Variants in ANK2 observed in about 807,000 individuals in gnomAD.
ANK2 encodes the protein ankyrin 2.
ANK2 carries 83 observed loss-of-function variants against 360.5 expected under a neutral mutation model. The observed-to-expected ratio is 0.23, with a 90% CI of 0.19 to 0.28. ANK2 has a LOEUF of 0.28. Ranked by LOEUF, ANK2 falls within the 10% of genes least tolerant of loss-of-function variation. The pLI is 1.00. For synonymous variants in ANK2, 1,740 were observed against 1,759.5 expected, an observed-to-expected ratio of 0.99 and a Z score of 0.28; for missense variants, 4,201 against 4,795.7, an observed-to-expected ratio of 0.88 and a Z score of 3.66.
chr4:112,805,445 G>A, the ANK2 span, among the ~76,000 whole-genome samples: 4 of 152,084 alleles, frequency 2.6e-5, no homozygotes, highest in Non-Finnish European at 4.4e-5. Flanking sequence ...TTTTGTGCTC[G>A]CTATGCACCA....
intron 1 of ANK2, among the ~76,000 whole-genome samples, chr4:113,128,857 A>G (rs2095834358): frequency 6.6e-6 from 1 of 152,210 alleles, no homozygotes; most frequent in Admixed American, 6.5e-5. Flanking sequence ...GTATACAGAC[A>G]TGTATTTCCT....
chr4:112,759,785 GT>G, the ANK2 span, among the ~76,000 whole-genome samples: 1 of 152,080 alleles, frequency 6.6e-6, no homozygotes. Flanking sequence ...ACTTTTCAAA[GT>G]GCTTCTACGT....
chr4:112,852,609 G>A (rs974668975), intron 1 of ANK2, among the ~76,000 whole-genome samples: 2 of 152,154 alleles, frequency 1.3e-5, no homozygotes, highest in African/African-American at 4.8e-5. Flanking sequence ...GGGAAGATAC[G>A]AGTCTTAAAA....
intron 2 of ANK2, among the ~76,000 whole-genome samples, chr4:112,928,107 C>T (rs1220085284): frequency 2.0e-5 from 3 of 152,170 alleles, no homozygotes; most frequent in African/African-American, 7.2e-5. Flanking sequence ...GTAAAATCAT[C>T]TGTGATAACC....
chr4:112,833,754 C>T (rs1008535497), intron 1 of ANK2, among the ~76,000 whole-genome samples: 2 of 152,174 alleles, frequency 1.3e-5, no homozygotes, highest in African/African-American at 2.4e-5. Context: ...CCGCCCGCCT[C>T]GGCCTTCCAA....
the ANK2 span, among the ~76,000 whole-genome samples, chr4:112,740,807 C>G: frequency 1.3e-5 from 2 of 151,932 alleles, no homozygotes; most frequent in Admixed American, 6.6e-5. Flanking sequence ...CTGGCCAACA[C>G]GGTGAAACCC....
In ANK2 at chr4:113,297,114, A is replaced by G. The variant is rs561711013; in HGVS notation, c.2475+3576A>G. ...GGGATAGAGGAGTTGTCTAATGGGT[A>G]CAAAAATACAGTCAGATAGAAGGAG... is the stretch of plus-strand genomic sequence containing the variant. On this transcript the variant is annotated intron_variant, in intron 22 of 45. Coordinates refer to ENST00000357077, the MANE Select transcript of ANK2 (RefSeq NM_001148.6). Among the ~76,000 whole-genome samples the G allele has an allele frequency of 3.3e-5, 5 of 152,276 alleles. No homozygotes were observed. In the South Asian group the frequency reaches 1.0e-3, roughly 32 times the overall value.
chr4:112,916,661 TC>T (rs1469100549), intron 2 of ANK2, among the ~76,000 whole-genome samples: 1 of 152,008 alleles, frequency 6.6e-6, no homozygotes, highest in Non-Finnish European at 1.5e-5. Context: ...CTTTAATATC[TC>T]CCATTCCTAG....
intron 2 of ANK2, among the ~76,000 whole-genome samples, chr4:112,910,074 A>C (rs886469197): frequency 2.6e-4 from 39 of 152,356 alleles, no homozygotes; most frequent in African/African-American, 8.7e-4. Flanking sequence ...AGTTTCTACA[A>C]ACTTATATGA....
At chr4:113,343,624 A>G (rs1413492856) in intron 34 of ANK2, among the ~76,000 whole-genome samples, 1 of 152,210 alleles carries the variant, frequency 6.6e-6, no homozygotes, top group African/African-American at 2.4e-5. Context: ...AATTCATTCA[A>G]TAAACAGCAT....
At chr4:112,711,902 T>C in the ANK2 span, among the ~76,000 whole-genome samples, 1 of 149,228 alleles carries the variant, frequency 6.7e-6, no homozygotes, top group Non-Finnish European at 1.5e-5. Flanking sequence ...AACAAACAAA[T>C]GCCTGGGTTC....
chr4:113,259,017 G>T (rs1323222398), intron 13 of ANK2, among the ~76,000 whole-genome samples: 2 of 152,150 alleles, frequency 1.3e-5, no homozygotes, highest in Admixed American at 6.5e-5. Context: ...ACATATCCTG[G>T]AATGAATGTT....
intron 1 of ANK2, among the ~76,000 whole-genome samples, chr4:113,161,777 G>A (rs1249050248): frequency 6.6e-6 from 1 of 151,368 alleles, no homozygotes; most frequent in Non-Finnish European, 1.5e-5. Context: ...TATTCTCACT[G>A]CCTGGTATTT....
chr4:113,339,717 CTTA>C, intron 32 of ANK2, among the ~76,000 whole-genome samples: 1 of 152,348 alleles, frequency 6.6e-6, no homozygotes. Context: ...GTCTAAAAGG[CTTA>C]GAGGCTTCAG....
chr4:113,061,122 G>T (rs1160341427), intron 1 of ANK2, among the ~76,000 whole-genome samples: 1 of 152,002 alleles, frequency 6.6e-6, no homozygotes, highest in Non-Finnish European at 1.5e-5. Context: ...GCTTTAAACT[G>T]TTTTTTTGGA....
intron 2 of ANK2, among the ~76,000 whole-genome samples, chr4:112,991,981 C>T (rs765953898): frequency 3.3e-5 from 5 of 151,996 alleles, no homozygotes; most frequent in African/African-American, 7.3e-5. Flanking sequence ...CATTATTTTA[C>T]GTATTCTCTG....
intron 38 of ANK2, among the ~76,000 whole-genome samples, chr4:113,360,051 A>G (rs2096105926): frequency 1.3e-5 from 2 of 152,182 alleles, no homozygotes; most frequent in Admixed American, 1.3e-4. Flanking sequence ...TGTTCTTCCA[A>G]TATCTCTACA....
At chr4:113,239,535 A>G (rs1585736853) in intron 7 of ANK2, among the ~76,000 whole-genome samples, 1 of 152,180 alleles carries the variant, frequency 6.6e-6, no homozygotes, top group East Asian at 1.9e-4. Context: ...TTTGTTAAGT[A>G]GTGAAAATTC....
chr4:113,302,901 C>T (rs17045877), intron 23 of ANK2, 62 bp downstream of exon 23: 2 of 1,424,592 alleles, frequency 1.4e-6, no homozygotes, highest in Non-Finnish European at 9.9e-7. Context: ...GCAAATTACC[C>T]TTTTTTTCAG....
Sources: gnomAD v4.1 joint callset for allele counts (sites outside exome capture counted in the v4.1 genomes callset) on GRCh38, gnomAD v4.1.1 for gene constraint, MANE v1.5 for transcripts, NCBI Gene and HGNC (gene_info 2026-07-23, HGNC 2026-07-21) for gene names.